The following SPTLC2 variants were observed in gnomAD, a reference collection of about 807,000 sequenced individuals.
The protein encoded by SPTLC2 is serine palmitoyltransferase 2.
A neutral mutation model predicts 62.0 loss-of-function variants in SPTLC2; 21 were observed. The ratio of observed to expected loss-of-function variants is 0.34; its 90% CI spans 0.24 to 0.49. The LOEUF (loss-of-function observed/expected upper bound fraction) is 0.49, where lower values mean the gene tolerates loss of function less well. Ranked by LOEUF, SPTLC2 falls within the 20% of genes least tolerant of loss-of-function variation. The probability of loss-of-function intolerance (pLI) is 0.99; values close to 1 mark genes in which losing one functional copy is unlikely to be tolerated. For synonymous variants in SPTLC2, 261 were observed against 261.8 expected (o/e 1.00, Z 0.03); for missense variants, 511 against 713.0 (o/e 0.72, Z 3.23).
rs1594996545 is a variant in SPTLC2, at chr14:77,570,431, TGCCATAC to T, written c.702_708del (p.Tyr235TrpfsTer8). The T allele has an allele frequency of 1.2e-6, 2 of 1,613,962 alleles. No homozygotes were observed. Among genetic ancestry groups the T allele is most frequent in the Non-Finnish European group, 8.5e-7 (1 of 1,179,996 alleles). The stretch of plus-strand genomic sequence containing the variant: ...TTCATTGAATTCGTTGCAAATCCCA[TGCCATAC>T]GCCATAGCAGCTTCTACTCCTAAGA... On this transcript the variant is annotated frameshift_variant, in exon 5 of 12. Transcript: ENST00000216484. LOFTEE classifies it high-confidence loss of function.
intron 5 of SPTLC2, among the ~76,000 whole-genome samples, chr14:77,563,977 C>G (rs2079628668): frequency 6.6e-6 from 1 of 151,050 alleles, no homozygotes; most frequent in Admixed American, 6.6e-5. Flanking sequence ...AGTGGCCAGG[C>G]ATGGTGGCTC....
chr14:77,533,578 C>T (rs2079452422), intron 9 of SPTLC2, among the ~76,000 whole-genome samples: 1 of 152,166 alleles, frequency 6.6e-6, no homozygotes. Flanking sequence ...TGGACTTGTA[C>T]CAGGGCTTAC....
chr14:77,537,732 T>A (rs1300671488), intron 9 of SPTLC2, among the ~76,000 whole-genome samples: 2 of 152,226 alleles, frequency 1.3e-5, no homozygotes, highest in Non-Finnish European at 2.9e-5. Flanking sequence ...ACCTCTTTGT[T>A]TCCTTAACCT....
chr14:77,597,758 A>C (rs7156939), intron 1 of SPTLC2, among the ~76,000 whole-genome samples: 24,302 of 148,788 alleles, frequency 0.16, 2,410 homozygotes, highest in East Asian at 0.42. Context: ...TGGGTGACAG[A>C]GCAAGACTCC....
At chr14:77,562,592 A>G in intron 5 of SPTLC2, 103 bp from the exon 6 acceptor site, 2 of 872,564 alleles carry the variant, frequency 2.3e-6, no homozygotes, top group Non-Finnish European at 3.8e-6. Flanking sequence ...CTTATTAAGG[A>G]AATTGTGCAC....
intron 4 of SPTLC2, among the ~76,000 whole-genome samples, chr14:77,575,467 G>A (rs937526571): frequency 6.6e-6 from 1 of 152,156 alleles, no homozygotes; most frequent in Admixed American, 6.6e-5. Flanking sequence ...CAATAGAAGA[G>A]GCATAAATGA....
intron 5 of SPTLC2, among the ~76,000 whole-genome samples, chr14:77,566,957 AG>A (rs2079648635): frequency 6.6e-6 from 1 of 152,018 alleles, no homozygotes; most frequent in Admixed American, 6.6e-5. Flanking sequence ...TTTCAATTAT[AG>A]TTTGATTTGG....
chr14:77,584,802 C>CACACACAT (rs1010801798), intron 2 of SPTLC2, among the ~76,000 whole-genome samples: 1 of 152,218 alleles, frequency 6.6e-6, no homozygotes, highest in African/African-American at 2.4e-5. Flanking sequence ...CACAGACACA[C>CACACACAT]ACACACACAC....
Position 77,513,016 on chromosome 14 carries a change from C to CTTTTTTTTTTTTTTT in SPTLC2, c.1570-628_1570-614dup. ...AGGCGTAAGCCAACGAACCCAGCAA[C>CTTTTTTTTTTTTTTT]TTTTTTTTTTTTTTTTTTTTTTTTT... On this transcript the variant is annotated intron_variant, in intron 11 of 11. Coordinates refer to ENST00000216484, the MANE Select transcript of SPTLC2 (RefSeq NM_004863.4). Among the ~76,000 whole-genome samples, 29 of 62,828 alleles carry CTTTTTTTTTTTTTTT rather than the reference C, an allele frequency of 4.6e-4. 6 individuals carry two copies. The highest frequency in any genetic ancestry group is 1.2e-3 in the East Asian group (2 of 1,704). 41.2% of individuals were successfully genotyped at this position (62,828 alleles called of 152,430 possible). A position where few individuals can be genotyped will look rare whatever the true frequency, so the allele number is the denominator to read the frequency against.
rs1160210421 is a variant in SPTLC2 at position 77,516,469 on chromosome 14, TG to T, written c.1569+1568del. On this transcript the variant is annotated intron_variant, in intron 11 of 11. Transcript: ENST00000216484. ...CACATTGAAATTCTGAGTTAACAGG[TG>T]AACATGAGAAAGAAAAAAGAAAATT... Among the ~76,000 whole-genome samples, 3 of 151,866 alleles carry T rather than the reference TG, an allele frequency of 2.0e-5. No homozygotes were observed. In the East Asian group the frequency reaches 5.8e-4, roughly 29 times the overall value.
chr14:77,571,782 A>G (rs116285324), intron 4 of SPTLC2, among the ~76,000 whole-genome samples: 1,854 of 152,122 alleles, frequency 0.012, 47 homozygotes, highest in African/African-American at 0.042. Context: ...AAGAGATAAT[A>G]CGTTTGAGCT....
chr14:77,592,149 TTTTTA>T (rs947393291), intron 2 of SPTLC2, among the ~76,000 whole-genome samples: 9 of 152,068 alleles, frequency 5.9e-5, no homozygotes, highest in Non-Finnish European at 1.0e-4. Flanking sequence ...TACTTTTTTT[TTTTTA>T]TTTTGAGACA....
At chr14:77,589,777 G>GA (rs1471140355) in intron 2 of SPTLC2, among the ~76,000 whole-genome samples, 4 of 142,960 alleles carry the variant, frequency 2.8e-5, no homozygotes, top group African/African-American at 1.1e-4. Flanking sequence ...GCGACAGAGC[G>GA]AGAGTCCGTC....
chr14:77,539,349 C>A (rs755822044), intron 9 of SPTLC2, among the ~76,000 whole-genome samples: 1 of 151,632 alleles, frequency 6.6e-6, no homozygotes, highest in Non-Finnish European at 1.5e-5. Context: ...AAGGCCCACT[C>A]AGACACCAAA....
At chr14:77,535,261 A>G (rs1349475789) in intron 9 of SPTLC2, among the ~76,000 whole-genome samples, 1 of 152,156 alleles carries the variant, frequency 6.6e-6, no homozygotes, top group Non-Finnish European at 1.5e-5. Context: ...CAAGACCCGG[A>G]GCAAAAAGCA....
At chr14:77,548,203 T>C (rs182613534) in intron 9 of SPTLC2, among the ~76,000 whole-genome samples, 2 of 152,328 alleles carry the variant, frequency 1.3e-5, no homozygotes, top group East Asian at 3.9e-4. Flanking sequence ...TCATTCTGGC[T>C]TAACATTCAA....
chr14:77,512,344 C>T lies in SPTLC2; in HGVS notation c.1629G>A (p.Arg543=), dbSNP rs747828644. 128 of 1,614,102 alleles carry T rather than the reference C, an allele frequency of 7.9e-5. No homozygotes were observed. In the South Asian group the frequency reaches 1.4e-3, roughly 17 times the overall value. ...AGGGCCTGTCCAGTAGAGGTACCAA[C>T]CGATGACGGGAATACTTCAGCTGCA... ...DLLQLKYSRH[R]LVPLLDRPFD... is the part of the protein sequence containing the mutation. The change falls in exon 12 of 12, where the codon CGG becomes CGA. Residue 543 remains arginine (R), a synonymous_variant. Coordinates refer to ENST00000216484, the MANE Select transcript of SPTLC2 (RefSeq NM_004863.4).
chr14:77,560,931 C>G (rs2079611701), intron 6 of SPTLC2, among the ~76,000 whole-genome samples: 1 of 150,818 alleles, frequency 6.6e-6, no homozygotes, highest in East Asian at 1.9e-4. Flanking sequence ...ATGCTGATTA[C>G]CTGGGTGGCG....
At chr14:77,605,907 T>C (rs1324612346) in intron 1 of SPTLC2, among the ~76,000 whole-genome samples, 1 of 152,208 alleles carries the variant, frequency 6.6e-6, no homozygotes, top group Non-Finnish European at 1.5e-5. Context: ...AGGACTTAAA[T>C]CTTCAGCCCA....
Sources: allele counts gnomAD v4.1 joint callset (sites outside exome capture counted in the v4.1 genomes callset), GRCh38; gene constraint gnomAD v4.1.1; transcripts MANE v1.5; gene names NCBI Gene and HGNC (gene_info 2026-07-23, HGNC 2026-07-21).